Variants in ZNF215 observed in about 807,000 individuals in gnomAD.
The protein encoded by ZNF215 is BWSCR2-associated zinc finger protein 2.
In ZNF215, 24 loss-of-function variants were observed where a neutral mutation model predicts 27.2. The observed-to-expected ratio is 0.88, with a 90% CI of 0.64 to 1.24. The LOEUF (loss-of-function observed/expected upper bound fraction) is 1.24. Ranked by LOEUF, ZNF215 falls within the 50% of genes most tolerant of loss-of-function variation. The pLI, the probability that ZNF215 is intolerant of heterozygous loss-of-function variation, is 0.00. For missense variants in ZNF215, 675 were observed against 605.7 expected (o/e 1.11, Z -1.20); for synonymous variants, 210 against 204.0 (o/e 1.03, Z -0.25).
rs1359346274 is a variant in ZNF215, at chr11:6,956,434, G to A, written c.1457G>A (p.Gly486Glu). 1 of 1,614,108 alleles carries A rather than the reference G, an allele frequency of 6.2e-7. No homozygotes were observed. Among genetic ancestry groups the A allele is most frequent in the Admixed American group, 1.7e-5 (1 of 60,030 alleles). The part of the protein sequence containing the change: ...SLIRHQMIHT[G>E]EKPFKCKECS... ...ATTCGACACCAAATGATTCACACGG[G>A]AGAGAAACCATTCAAATGTAAGGAA... The change falls in exon 7 of 7, where the codon GGA (glycine) becomes GAA (glutamate). Residue 486 changes from glycine (G) to glutamate (E), a missense_variant. Coordinates refer to ENST00000278319, the MANE Select transcript of ZNF215 (RefSeq NM_013250.4).
intron 3 of ZNF215, among the ~76,000 whole-genome samples, chr11:6,933,852 G>A (rs1849350208): frequency 6.7e-6 from 1 of 149,844 alleles, no homozygotes; most frequent in African/African-American, 2.5e-5. Flanking sequence ...ACAGAGGATA[G>A]TGGAACATGT....
chr11:6,992,168 G>A (rs1233018412), downstream of ZNF215, among the ~76,000 whole-genome samples: 1 of 152,188 alleles, frequency 6.6e-6, no homozygotes, highest in Non-Finnish European at 1.5e-5. Context: ...TACATGGAGA[G>A]AGAAAAAGCA....
Position 6,956,464 on chromosome 11 carries a change from G to A in ZNF215, c.1487G>A (p.Ser496Asn), listed in dbSNP as rs151165650. Residue 496 changes from serine (S) to asparagine (N), a missense_variant, in exon 7 of 7, where the codon AGT (serine) becomes AAT (asparagine). Coordinates refer to ENST00000278319, the MANE Select transcript of ZNF215 (RefSeq NM_013250.4). ...GEKPFKCKECSKAFNRSSNLV... is the reference protein window; with the variant it reads ...GEKPFKCKECNKAFNRSSNLV... The stretch of plus-strand genomic sequence containing the variant: ...AAACCATTCAAATGTAAGGAATGTA[G>A]TAAAGCCTTCAACAGGAGTTCAAAC... 3.2e-5 allele frequency: 51 copies of A among 1,613,834 alleles called. No homozygotes were observed. Among genetic ancestry groups the A allele is most frequent in the Admixed American group, 3.0e-4 (18 of 59,982 alleles).
At chr11:6,970,271 AT>A (rs375151374) in intron 5 of ZNF215, among the ~76,000 whole-genome samples, 49 of 152,340 alleles carry the variant, frequency 3.2e-4, no homozygotes, top group South Asian at 1.7e-3. Context: ...ACAGAAAAAA[AT>A]GATCCAATTT....
chr11:6,974,442 G>C (rs1850788080), intron 5 of ZNF215, among the ~76,000 whole-genome samples: 1 of 152,158 alleles, frequency 6.6e-6, no homozygotes, highest in Non-Finnish European at 1.5e-5. Flanking sequence ...AAAGTCATTG[G>C]TAGCTTGATA....
intron 5 of ZNF215, among the ~76,000 whole-genome samples, chr11:6,972,949 C>A (rs1206997043): frequency 1.3e-5 from 2 of 151,844 alleles, no homozygotes; most frequent in Admixed American, 1.3e-4. Context: ...GGTACATGTG[C>A]AAAACGTGCA....
At chr11:6,963,581 A>T (rs1316976517) in intron 5 of ZNF215, among the ~76,000 whole-genome samples, 1 of 152,054 alleles carries the variant, frequency 6.6e-6, no homozygotes, top group Non-Finnish European at 1.5e-5. Context: ...GTTAAATATA[A>T]AAAAAGTTAC....
intron 5 of ZNF215, among the ~76,000 whole-genome samples, chr11:6,970,337 A>G (rs2133333955): frequency 6.6e-6 from 1 of 152,332 alleles, no homozygotes; most frequent in East Asian, 1.9e-4. Context: ...TAAGAGGCAT[A>G]TTAACCAAGT....
At chr11:6,929,548 G>A (rs1036073482) in intron 2 of ZNF215, among the ~76,000 whole-genome samples, 2 of 152,160 alleles carry the variant, frequency 1.3e-5, no homozygotes, top group African/African-American at 4.8e-5. Context: ...CAATTATGAG[G>A]AGGTATTGGT....
At position 6,956,490 on chromosome 11, in the gene ZNF215, C is replaced by G. The variant is rs1850363726; in HGVS notation, c.1513C>G (p.Leu505Val). The G allele has an allele frequency of 6.2e-7, 1 of 1,605,002 alleles. No homozygotes were observed. Among genetic ancestry groups the G allele is most frequent in the African/African-American group, 1.3e-5 (1 of 74,166 alleles). The change falls in exon 7 of 7, where the codon CTT (leucine) becomes GTT (valine). Residue 505 changes from leucine to valine, a missense_variant. Coordinates refer to ENST00000278319, the MANE Select transcript of ZNF215 (RefSeq NM_013250.4). ...CSKAFNRSSNLVKHQKLHTRD... is the reference protein window; with the variant it reads ...CSKAFNRSSNVVKHQKLHTRD... Reference sequence around the variant, plus strand: ...TAAAGCCTTCAACAGGAGTTCAAACCTTGTTAAACATCAAAAACTGCATAC... The same window carrying G: ...TAAAGCCTTCAACAGGAGTTCAAACGTTGTTAAACATCAAAAACTGCATAC...
rs112070323 is a variant in ZNF215 at position 6,943,860 on chromosome 11, C to G, written c.712+219C>G. On this transcript the variant is annotated intron_variant, in intron 6 of 6. Transcript: ENST00000278319. The stretch of plus-strand genomic sequence containing the variant: ...GGGATAGGACCACAGACACTTAAAG[C>G]TGTGTGACCTGAGAGAGCCTTTCTG... Among the ~76,000 whole-genome samples, 245 of 152,302 alleles carry G rather than the reference C, an allele frequency of 1.6e-3. No homozygotes were observed. Among genetic ancestry groups the G allele is most frequent in the African/African-American group, 5.6e-3 (234 of 41,566 alleles).
intron 5 of ZNF215, among the ~76,000 whole-genome samples, chr11:6,978,793 C>G (rs927429037): frequency 6.6e-5 from 10 of 151,860 alleles, no homozygotes; most frequent in Non-Finnish European, 1.2e-4. Context: ...ATTCTTTCAA[C>G]TTTATGCTTG....
chr11:6,963,772 G>A (rs1669315707), intron 5 of ZNF215, among the ~76,000 whole-genome samples: 2 of 152,064 alleles, frequency 1.3e-5, no homozygotes, highest in Admixed American at 6.6e-5. Flanking sequence ...AGTACCTGAT[G>A]TTCCACATAC....
chr11:6,979,412 A>G (rs1009362501), intron 5 of ZNF215, among the ~76,000 whole-genome samples: 2 of 152,070 alleles, frequency 1.3e-5, no homozygotes, highest in South Asian at 4.1e-4. Context: ...ATTTTTAAGC[A>G]TTTAAAAGAA....
chr11:6,939,664 A>G (rs747034713), intron 3 of ZNF215, among the ~76,000 whole-genome samples: 6 of 152,188 alleles, frequency 3.9e-5, no homozygotes, highest in Non-Finnish European at 8.8e-5. Flanking sequence ...GAGAATGTAT[A>G]TAGATTTTTC....
chr11:6,970,741 T>C lies in ZNF215; in HGVS notation c.806-13388T>C, dbSNP rs145925985. On this transcript the variant is annotated intron_variant, in intron 5 of 5. Coordinates refer to the ZNF215 transcript ENST00000529903. ...AGTTTTAAAAATAACTTACCCTCTCTATCTCACCTGTGTCAGTGTGCAGAT... is the reference window on the plus strand; with the variant it reads ...AGTTTTAAAAATAACTTACCCTCTCCATCTCACCTGTGTCAGTGTGCAGAT... 6.7e-3 allele frequency among the ~76,000 whole-genome samples: 1,020 copies of C among 152,338 alleles called. 6 individuals are homozygous for C. Among genetic ancestry groups the C allele is most frequent in the Non-Finnish European group, 0.011 (779 of 68,032 alleles).
At chr11:6,964,694 T>A (rs978753386) in intron 5 of ZNF215, among the ~76,000 whole-genome samples, 5 of 151,780 alleles carry the variant, frequency 3.3e-5, no homozygotes, top group African/African-American at 1.2e-4. Context: ...CTTTTTTTTT[T>A]TTTATTTTTA....
chr11:6,985,301 A>G (rs979953110), downstream of ZNF215, among the ~76,000 whole-genome samples: 1 of 152,096 alleles, frequency 6.6e-6, no homozygotes, highest in African/African-American at 2.4e-5. Flanking sequence ...GAAAAAAACT[A>G]ATCTCAATAT....
chr11:6,980,930 G>A (rs903915930), intron 5 of ZNF215, among the ~76,000 whole-genome samples: 5 of 150,124 alleles, frequency 3.3e-5, no homozygotes, highest in African/African-American at 1.2e-4. Context: ...CCCTACAAAG[G>A]ACATGAACTC....
Sources: gnomAD v4.1 joint callset for allele counts (sites outside exome capture counted in the v4.1 genomes callset) on GRCh38, gnomAD v4.1.1 for gene constraint, MANE v1.5 for transcripts, NCBI Gene and HGNC (gene_info 2026-07-23, HGNC 2026-07-21) for gene names.